Variants in MAPK6 observed in about 807,000 individuals in gnomAD.
The protein encoded by MAPK6 is mitogen-activated protein kinase 6.
Under a neutral mutation model 59.3 loss-of-function variants are expected in MAPK6, and 19 were observed. That is an observed-to-expected ratio of 0.32 (90% confidence interval 0.22 to 0.47). MAPK6 has a LOEUF of 0.47. Ranked by LOEUF, MAPK6 falls within the 20% of genes least tolerant of loss-of-function variation. The probability of loss-of-function intolerance (pLI) is 1.00; values close to 1 mark genes in which losing one functional copy is unlikely to be tolerated. For synonymous variants in MAPK6, 316 were observed against 290.3 expected (o/e 1.09, Z -0.90); for missense variants, 724 against 847.9 (o/e 0.85, Z 1.81).
intron 3 of MAPK6, among the ~76,000 whole-genome samples, chr15:52,055,017 T>C (rs575769041): frequency 2.8e-4 from 43 of 152,328 alleles, no homozygotes; most frequent in African/African-American, 1.0e-3. Context: ...TGACCTCAGG[T>C]GATCTGTGTG....
chr15:52,017,395 C>T (rs955970414), upstream of MAPK6: 1 of 152,060 alleles, frequency 6.6e-6, no homozygotes, highest in Non-Finnish European at 1.5e-5. Flanking sequence ...TTATAAAGAA[C>T]CTTCTTAAGG....
At chr15:51,979,723 G>A (rs892954847) in intron 1 of MAPK6, among the ~76,000 whole-genome samples, 2 of 151,784 alleles carry the variant, frequency 1.3e-5, no homozygotes, top group Admixed American at 1.3e-4. Flanking sequence ...AGCCTGGGAG[G>A]TCGAGAGTAT....
At chr15:52,032,783 C>G (rs1312308533) in intron 1 of MAPK6, among the ~76,000 whole-genome samples, 2 of 152,084 alleles carry the variant, frequency 1.3e-5, no homozygotes, top group Non-Finnish European at 2.9e-5. Context: ...CTCCCAAGTT[C>G]AAGTGATTCT....
At chr15:52,058,506 C>A in intron 3 of MAPK6, 127 bp from the exon 4 acceptor site, 9 of 689,494 alleles carry the variant, frequency 1.3e-5, no homozygotes, top group East Asian at 3.0e-5. Context: ...GCAATGAAAC[C>A]TGCTGATGAT....
chr15:52,035,157 G>C (rs1005646590), intron 1 of MAPK6, among the ~76,000 whole-genome samples: 1 of 152,112 alleles, frequency 6.6e-6, no homozygotes, highest in African/African-American at 2.4e-5. Flanking sequence ...TCTTTGACTC[G>C]GCCTTAGGAG....
chr15:52,035,644 A>T (rs1370449244), intron 1 of MAPK6: 1 of 151,880 alleles, frequency 6.6e-6, no homozygotes, highest in East Asian at 1.9e-4. Context: ...AAAAAAGAAA[A>T]GAAAAAATCC....
intron 1 of MAPK6, among the ~76,000 whole-genome samples, chr15:52,038,623 AT>A (rs1176689157): frequency 6.6e-6 from 1 of 152,144 alleles, no homozygotes; most frequent in Non-Finnish European, 1.5e-5. Context: ...TCTAGTTAGA[AT>A]CCTCAGGTGT....
intron 1 of MAPK6, among the ~76,000 whole-genome samples, chr15:52,030,996 G>C (rs900668549): frequency 1.3e-5 from 2 of 151,932 alleles, no homozygotes; most frequent in South Asian, 4.2e-4. Flanking sequence ...GTTTCACCAT[G>C]TTGGTCAGTT....
chr15:51,986,635 C>T (rs968694325), intron 2 of MAPK6, among the ~76,000 whole-genome samples: 13 of 152,146 alleles, frequency 8.5e-5, no homozygotes, highest in Admixed American at 7.9e-4. Flanking sequence ...GCAATTTCTT[C>T]CCTTTTCAGC....
intron 2 of MAPK6, among the ~76,000 whole-genome samples, chr15:51,988,700 C>T (rs2057198682): frequency 2.0e-5 from 3 of 151,750 alleles, no homozygotes; most frequent in Non-Finnish European, 4.4e-5. Flanking sequence ...CCATTGCACT[C>T]CAGCTTGGGC....
At position 52,032,207 on chromosome 15, in the gene MAPK6, T is replaced by TTC. The variant is rs1472179958; in HGVS notation, c.-632+12832_-632+12833insCT. ...TTTAATTTTTTTTTTTTTTTTTTTT[T>TTC]TTGAGACAGAGTCTTGCTCTGTTGC... On this transcript the variant is annotated intron_variant, in intron 1 of 5. Coordinates refer to ENST00000261845, the MANE Select transcript of MAPK6 (RefSeq NM_002748.4). Among the ~76,000 whole-genome samples, 9 of 148,814 alleles carry TTC rather than the reference T, an allele frequency of 6.0e-5. No individual in the cohort carries two copies. The South Asian group carries it at 1.5e-3, about 25-fold the overall frequency.
chr15:51,972,358 C>G (rs559208399), intron 1 of MAPK6, among the ~76,000 whole-genome samples: 56 of 151,802 alleles, frequency 3.7e-4, no homozygotes, highest in African/African-American at 1.2e-3. Context: ...AGGCTGGTCG[C>G]AAACTCAGGA....
intron 2 of MAPK6, among the ~76,000 whole-genome samples, chr15:51,989,999 A>G (rs537630214): frequency 6.6e-6 from 1 of 152,374 alleles, no homozygotes; most frequent in Non-Finnish European, 1.5e-5. Context: ...AGAACCAAGC[A>G]TGAGGAAAAG....
intron 1 of MAPK6, among the ~76,000 whole-genome samples, chr15:52,040,424 A>C (rs2031379756): frequency 6.6e-6 from 1 of 152,240 alleles, no homozygotes; most frequent in Admixed American, 6.5e-5. Flanking sequence ...TGAACAGGCC[A>C]GATGACCCAT....
intron 3 of MAPK6, among the ~76,000 whole-genome samples, chr15:52,054,553 T>C (rs1014725281): frequency 4.6e-5 from 7 of 152,184 alleles, no homozygotes; most frequent in Non-Finnish European, 1.0e-4. Context: ...AGTTACATAC[T>C]GTCAACTTTA....
upstream of MAPK6, among the ~76,000 whole-genome samples, chr15:52,015,310 C>T (rs1193142429): frequency 6.6e-6 from 1 of 151,614 alleles, no homozygotes; most frequent in African/African-American, 2.4e-5. Context: ...CTACACCTGA[C>T]TAATTTTTGT....
intron 2 of MAPK6, among the ~76,000 whole-genome samples, chr15:51,999,802 C>A (rs911442861): frequency 1.6e-4 from 24 of 152,138 alleles, no homozygotes; most frequent in African/African-American, 5.6e-4. Flanking sequence ...TGCCACCATG[C>A]CTGGCTAATT....
At chr15:51,976,266 C>CAAA (rs774556505) in intron 1 of MAPK6, among the ~76,000 whole-genome samples, 5 of 45,096 alleles carry the variant, frequency 1.1e-4, no homozygotes, top group African/African-American at 1.5e-4. Context: ...ACTCCCATCT[C>CAAA]AAAAAAAAAA....
intron 1 of MAPK6, chr15:52,042,884 T>A (rs1488361104): frequency 6.6e-6 from 1 of 152,102 alleles, no homozygotes; most frequent in Non-Finnish European, 1.5e-5. Context: ...GATGTAAAAT[T>A]TAGGAAATAA....
Sources: allele counts gnomAD v4.1 joint callset (sites outside exome capture counted in the v4.1 genomes callset), GRCh38; gene constraint gnomAD v4.1.1; transcripts MANE v1.5; gene names NCBI Gene and HGNC (gene_info 2026-07-23, HGNC 2026-07-21).